Variants in RBFOX1 observed in about 807,000 individuals in gnomAD.
RBFOX1 encodes RNA binding protein fox-1 homolog 1.
Under a neutral mutation model 57.7 loss-of-function variants are expected in RBFOX1, and 8 were observed. That is an observed-to-expected ratio of 0.14 (90% confidence interval 0.08 to 0.25). The LOEUF (loss-of-function observed/expected upper bound fraction) is 0.25. Among genes scored for constraint, RBFOX1 ranks in the 10% least tolerant of loss-of-function variants. The pLI is 1.00. For missense variants in RBFOX1, 611 were observed against 548.5 expected, an observed-to-expected ratio of 1.11 and a Z score of -1.14; for synonymous variants, 326 against 222.4, an observed-to-expected ratio of 1.47 and a Z score of -4.15.
At chr16:6,867,015 TTAA>T in intron 3 of RBFOX1, among the ~76,000 whole-genome samples, 1 of 53,300 alleles carries the variant, frequency 1.9e-5, no homozygotes, top group East Asian at 7.4e-4. Context: ...TAGCTGTTCT[TTAA>T]AAAAAAAAAA....
At chr16:6,810,073 T>C (rs1449986321) in intron 3 of RBFOX1, among the ~76,000 whole-genome samples, 1 of 151,426 alleles carries the variant, frequency 6.6e-6, no homozygotes, top group East Asian at 1.9e-4. Context: ...TCTGGTCTGA[T>C]GGGGTCTCAG....
chr16:6,270,256 A>G (rs544054977), intron 1 of RBFOX1, among the ~76,000 whole-genome samples: 1 of 152,284 alleles, frequency 6.6e-6, no homozygotes, highest in Admixed American at 6.5e-5. Context: ...TTAAATGGCA[A>G]TGGCCTATAT....
intron 3 of RBFOX1, among the ~76,000 whole-genome samples, chr16:6,719,561 C>G (rs933582869): frequency 6.6e-6 from 1 of 151,724 alleles, no homozygotes; most frequent in Non-Finnish European, 1.5e-5. Context: ...CTGCCTCAGC[C>G]TCTGGAGTAG....
intron 3 of RBFOX1, among the ~76,000 whole-genome samples, chr16:5,812,424 C>T (rs534667718): frequency 1.3e-5 from 2 of 151,434 alleles, no homozygotes; most frequent in Non-Finnish European, 2.9e-5. Flanking sequence ...TTCTACTTCT[C>T]ACATACACTC....
At chr16:6,135,524 T>G (rs2096660047) in intron 1 of RBFOX1, among the ~76,000 whole-genome samples, 1 of 152,022 alleles carries the variant, frequency 6.6e-6, no homozygotes. Context: ...TTCAACAGGG[T>G]CAGGTGTGAA....
At chr16:6,313,610 A>G (rs2080669959) in intron 1 of RBFOX1, among the ~76,000 whole-genome samples, 1 of 152,150 alleles carries the variant, frequency 6.6e-6, no homozygotes, top group Admixed American at 6.6e-5. Flanking sequence ...GCATAGGTGA[A>G]GGTAGCTAAT....
intron 4 of RBFOX1, among the ~76,000 whole-genome samples, chr16:7,464,324 ATC>A (rs2060102194): frequency 1.4e-4 from 22 of 151,732 alleles, no homozygotes; most frequent in Admixed American, 9.2e-4. Context: ...CAGTAAAATG[ATC>A]ACCATCGCAG....
At chr16:6,018,645 G>T (rs138994843), upstream of RBFOX1, among the ~76,000 whole-genome samples, 3 of 152,140 alleles carry the variant, frequency 2.0e-5, no homozygotes, top group Non-Finnish European at 4.4e-5. Flanking sequence ...GATAGGGCTC[G>T]ATCTCTGCCT....
intron 1 of RBFOX1, among the ~76,000 whole-genome samples, chr16:5,281,020 C>A (rs1437784915): frequency 6.6e-6 from 1 of 151,970 alleles, no homozygotes; most frequent in African/African-American, 2.4e-5. Context: ...TGAGGTGCAT[C>A]ATTAGGTTGT....
At chr16:6,660,925 C>T (rs1045926907) in intron 3 of RBFOX1, among the ~76,000 whole-genome samples, 1 of 152,012 alleles carries the variant, frequency 6.6e-6, no homozygotes, top group African/African-American at 2.4e-5. Context: ...GAAGAGGATC[C>T]TTGGTGTAGG....
chr16:6,900,973 C>T (rs1307973520), intron 3 of RBFOX1, among the ~76,000 whole-genome samples: 2 of 152,082 alleles, frequency 1.3e-5, no homozygotes, highest in African/African-American at 4.8e-5. Flanking sequence ...TTAAGATGTT[C>T]CCATAACGTT....
At chr16:5,980,816 G>C (rs1197299594) in intron 4 of RBFOX1, among the ~76,000 whole-genome samples, 3 of 151,988 alleles carry the variant, frequency 2.0e-5, no homozygotes, top group Non-Finnish European at 4.4e-5. Context: ...TAGCACCAGA[G>C]GGAGCAGACC....
intron 3 of RBFOX1, among the ~76,000 whole-genome samples, chr16:5,747,518 G>GT (rs1456787847): frequency 3.3e-5 from 5 of 152,010 alleles, no homozygotes; most frequent in African/African-American, 9.7e-5. Context: ...TGATGCTAGA[G>GT]TTTTTTTGGT....
intron 3 of RBFOX1, among the ~76,000 whole-genome samples, chr16:6,900,181 G>C (rs980974754): frequency 6.6e-6 from 1 of 152,128 alleles, no homozygotes; most frequent in Non-Finnish European, 1.5e-5. Context: ...CTTATGCTGA[G>C]CCTGTGTGGT....
chr16:7,283,351 A>C (rs749348519), intron 4 of RBFOX1, among the ~76,000 whole-genome samples: 1 of 152,106 alleles, frequency 6.6e-6, no homozygotes, highest in East Asian at 2.0e-4. Flanking sequence ...CATTCCTGAC[A>C]GGGAGAAGAT....
chr16:5,744,752 A>T (rs941488585), intron 3 of RBFOX1, among the ~76,000 whole-genome samples: 1 of 152,100 alleles, frequency 6.6e-6, no homozygotes, highest in Non-Finnish European at 1.5e-5. Flanking sequence ...ATTGTGAAGA[A>T]ATTGTGCTTT....
At chr16:5,815,555 T>C (rs966124751) in intron 3 of RBFOX1, among the ~76,000 whole-genome samples, 3 of 152,142 alleles carry the variant, frequency 2.0e-5, no homozygotes, top group African/African-American at 7.2e-5. Flanking sequence ...AAAGTCCATC[T>C]CCTTCTCTCC....
intron 4 of RBFOX1, among the ~76,000 whole-genome samples, chr16:5,973,096 G>A (rs1001958145): frequency 1.3e-5 from 2 of 152,188 alleles, no homozygotes; most frequent in Non-Finnish European, 2.9e-5. Context: ...ACTACCTGCT[G>A]TAAAGAGACA....
chr16:5,483,882 C>T (rs2069633721), intron 2 of RBFOX1, among the ~76,000 whole-genome samples: 2 of 152,146 alleles, frequency 1.3e-5, no homozygotes, highest in South Asian at 4.2e-4. Context: ...ATCACGATGC[C>T]TGCCAGGGCC....
Sources: gnomAD v4.1 joint callset for allele counts (sites outside exome capture counted in the v4.1 genomes callset) on GRCh38, gnomAD v4.1.1 for gene constraint, MANE v1.5 for transcripts, NCBI Gene and HGNC (gene_info 2026-07-23, HGNC 2026-07-21) for gene names.